The following SMYD3 variants were observed in gnomAD, a reference collection of about 807,000 sequenced individuals.
SMYD3 encodes histone-lysine N-methyltransferase SMYD3.
A neutral mutation model predicts 57.7 loss-of-function variants in SMYD3; 36 were observed. That is an observed-to-expected ratio of 0.62 (90% CI 0.48 to 0.82). The LOEUF (loss-of-function observed/expected upper bound fraction) is 0.82. Ranked by LOEUF, SMYD3 falls within the 40% of genes least tolerant of loss-of-function variation. SMYD3 has a pLI of 0.00. For synonymous variants in SMYD3, 211 were observed against 195.0 expected, an observed-to-expected ratio of 1.08 and a Z score of -0.68; for missense variants, 515 against 538.8, an observed-to-expected ratio of 0.96 and a Z score of 0.44.
intron 5 of SMYD3, among the ~76,000 whole-genome samples, chr1:245,961,418 C>T (rs1407711072): frequency 2.6e-5 from 4 of 152,142 alleles, no homozygotes; most frequent in African/African-American, 4.8e-5. Context: ...CCTTCTCACC[C>T]TTTCACCCTA....
chr1:245,774,198 GTCC>G (rs994313217), intron 10 of SMYD3, among the ~76,000 whole-genome samples: 4 of 152,222 alleles, frequency 2.6e-5, no homozygotes, highest in African/African-American at 9.6e-5. Context: ...TGGAGTCTCT[GTCC>G]TCCTCTGCTC....
intron 5 of SMYD3, among the ~76,000 whole-genome samples, chr1:245,964,417 C>T (rs770511408): frequency 1.1e-4 from 17 of 152,194 alleles, no homozygotes; most frequent in African/African-American, 2.9e-4. Flanking sequence ...TTACCCAGTA[C>T]ATCATGACAT....
intron 5 of SMYD3, among the ~76,000 whole-genome samples, chr1:246,124,368 GAAAA>G (rs1183978166): frequency 1.3e-5 from 2 of 152,098 alleles, no homozygotes; most frequent in Non-Finnish European, 2.9e-5. Context: ...AAGAAAGAAA[GAAAA>G]GTTACTTCCA....
intron 2 of SMYD3, among the ~76,000 whole-genome samples, chr1:246,339,005 CGGTGGAAAACTTGTTTAT>C (rs59931049): frequency 0.041 from 6,237 of 152,248 alleles, 427 homozygotes; most frequent in African/African-American, 0.14. Flanking sequence ...AATTCCATGA[CGGTGGAAAACTTGTTTAT>C]AATTGTCTGA....
At chr1:246,029,673 G>GAAA (rs34698516) in intron 5 of SMYD3, among the ~76,000 whole-genome samples, 3 of 88,136 alleles carry the variant, frequency 3.4e-5, no homozygotes, top group South Asian at 6.5e-4. Flanking sequence ...CTCTGTCTCA[G>GAAA]AAAAAAAAAA....
chr1:246,228,625 T>C (rs867829527), intron 5 of SMYD3, among the ~76,000 whole-genome samples: 3 of 152,206 alleles, frequency 2.0e-5, no homozygotes, highest in African/African-American at 7.2e-5. Flanking sequence ...TATCTATTAA[T>C]AGATACATTT....
At chr1:246,126,105 A>G (rs146636276) in intron 5 of SMYD3, among the ~76,000 whole-genome samples, 2 of 152,330 alleles carry the variant, frequency 1.3e-5, no homozygotes, top group Non-Finnish European at 2.9e-5. Flanking sequence ...ACTTACACAC[A>G]GCGCAGTGCC....
At chr1:246,069,712 T>G (rs2060409758) in intron 5 of SMYD3, among the ~76,000 whole-genome samples, 1 of 152,198 alleles carries the variant, frequency 6.6e-6, no homozygotes, top group Non-Finnish European at 1.5e-5. Flanking sequence ...CCAAACCCTT[T>G]GTGGCTTCCT....
intron 5 of SMYD3, among the ~76,000 whole-genome samples, chr1:246,266,135 T>C (rs1572305132): frequency 6.6e-6 from 1 of 152,172 alleles, no homozygotes; most frequent in African/African-American, 2.4e-5. Context: ...TAACCACTCT[T>C]CCATTTGAGT....
intron 5 of SMYD3, among the ~76,000 whole-genome samples, chr1:246,075,238 A>T (rs952856503): frequency 6.6e-6 from 1 of 152,216 alleles, no homozygotes; most frequent in African/African-American, 2.4e-5. Context: ...GATATGAATA[A>T]AATGTGAAAT....
At chr1:245,796,921 C>T (rs1480815749) in intron 10 of SMYD3, among the ~76,000 whole-genome samples, 1 of 152,094 alleles carries the variant, frequency 6.6e-6, no homozygotes, top group Non-Finnish European at 1.5e-5. Context: ...ATTAGTCTGT[C>T]AAAAACGAAA....
At chr1:246,043,149 C>T (rs1324727803) in intron 5 of SMYD3, among the ~76,000 whole-genome samples, 2 of 152,210 alleles carry the variant, frequency 1.3e-5, no homozygotes, top group Non-Finnish European at 2.9e-5. Flanking sequence ...GCATCGATTA[C>T]TCCATGGATT....
intron 1 of SMYD3, among the ~76,000 whole-genome samples, chr1:246,474,519 CAAAAAAAA>C (rs35626265): frequency 1.3e-5 from 1 of 78,828 alleles, no homozygotes; most frequent in Non-Finnish European, 2.6e-5. Flanking sequence ...ACTCCCCTCT[CAAAAAAAA>C]AAAAAAAAAA....
chr1:246,068,397 CTCT>C (rs1317782912), intron 5 of SMYD3, among the ~76,000 whole-genome samples: 1 of 151,986 alleles, frequency 6.6e-6, no homozygotes, highest in Non-Finnish European at 1.5e-5. Context: ...TTTTATAATT[CTCT>C]TCTTTATAAC....
At chr1:246,022,820 C>T (rs1219041125) in intron 5 of SMYD3, among the ~76,000 whole-genome samples, 1 of 152,182 alleles carries the variant, frequency 6.6e-6, no homozygotes, top group Admixed American at 6.5e-5. Flanking sequence ...AGAAGGCTTT[C>T]ACTTCGCACT....
intron 5 of SMYD3, among the ~76,000 whole-genome samples, chr1:245,935,116 C>A (rs546725284): frequency 8.5e-5 from 13 of 152,308 alleles, no homozygotes; most frequent in South Asian, 4.1e-4. Context: ...AAGAAAGAGA[C>A]AACCCACAGA....
chr1:246,375,385 CACA>C (rs1243402458), intron 1 of SMYD3, among the ~76,000 whole-genome samples: 1 of 117,832 alleles, frequency 8.5e-6, no homozygotes, highest in African/African-American at 3.3e-5. Context: ...CAGCACAAGA[CACA>C]ACATGAGAGT....
At chr1:246,114,759 G>A (rs1021092305) in intron 5 of SMYD3, among the ~76,000 whole-genome samples, 5 of 152,084 alleles carry the variant, frequency 3.3e-5, no homozygotes, top group African/African-American at 1.2e-4. Context: ...GTTTCCCGAG[G>A]AGCTTGGGAT....
At chr1:245,986,757 A>T (rs113764442) in intron 5 of SMYD3, among the ~76,000 whole-genome samples, 213 of 152,358 alleles carry the variant, frequency 1.4e-3, no homozygotes, top group African/African-American at 4.5e-3. Flanking sequence ...AGAACGGGTC[A>T]TCGTCAAAGA....
Sources: allele counts gnomAD v4.1 joint callset (sites outside exome capture counted in the v4.1 genomes callset), GRCh38; gene constraint gnomAD v4.1.1; transcripts MANE v1.5; gene names NCBI Gene and HGNC (gene_info 2026-07-23, HGNC 2026-07-21).